ZFP37: variants seen among roughly 807,000 people sequenced by gnomAD.
The protein encoded by ZFP37 is zinc finger protein 37 homolog.
Under a neutral mutation model 52.1 loss-of-function variants are expected in ZFP37, and 38 were observed. That is an observed-to-expected ratio of 0.73 (90% CI 0.56 to 0.96). ZFP37 has a LOEUF of 0.96. Among genes scored for constraint, ZFP37 ranks in the 40% least tolerant of loss-of-function variants. The probability of loss-of-function intolerance (pLI) is 0.00; values close to 1 mark genes in which losing one functional copy is unlikely to be tolerated. For synonymous variants in ZFP37, 253 were observed against 259.5 expected (o/e 0.98, Z 0.24); for missense variants, 695 against 741.4 (o/e 0.94, Z 0.73).
At chr9:113,049,145 G>A (rs1229224444) in intron 3 of ZFP37, among the ~76,000 whole-genome samples, 1 of 152,154 alleles carries the variant, frequency 6.6e-6, no homozygotes, top group Non-Finnish European at 1.5e-5. Flanking sequence ...CTACTATAGC[G>A]AACCTCACAA....
At chr9:113,053,436 A>G (rs1376094038) in intron 1 of ZFP37, among the ~76,000 whole-genome samples, 1 of 152,186 alleles carries the variant, frequency 6.6e-6, no homozygotes, top group African/African-American at 2.4e-5. Flanking sequence ...AAACCTTGCA[A>G]CTGAACATTG....
At chr9:113,050,483 AAAAG>A (rs1442258181) in intron 1 of ZFP37, among the ~76,000 whole-genome samples, 2 of 151,876 alleles carry the variant, frequency 1.3e-5, no homozygotes, top group Non-Finnish European at 2.9e-5. Flanking sequence ...AAAAAAAAAA[AAAAG>A]AAAAAAGGAA....
Position 113,052,538 on chromosome 9 carries a change from G to A in ZFP37, c.133-2666C>T, listed in dbSNP as rs1004674540. Among the ~76,000 whole-genome samples, 2 of 152,110 alleles carry A rather than the reference G, an allele frequency of 1.3e-5. No homozygotes were observed. Among genetic ancestry groups the A allele is most frequent in the Non-Finnish European group, 2.9e-5 (2 of 68,022 alleles). On this transcript the variant is annotated intron_variant, in intron 1 of 3. Coordinates refer to ENST00000374227, the MANE Select transcript of ZFP37 (RefSeq NM_003408.3). This position sits in a 1 kb window ranked among gnomAD's most constrained non-coding sequence, Gnocchi z 4.1. ...TGAGGTAAAGTCCACAGGACACCAG[G>A]CACCAGCATCCATGAGTCCTCTCCC...
intron 3 of ZFP37, among the ~76,000 whole-genome samples, chr9:113,046,262 A>G (rs1324509122): frequency 1.3e-5 from 2 of 149,420 alleles, no homozygotes; most frequent in East Asian, 3.9e-4. Context: ...ATATCTATAT[A>G]TATACAGGCA....
chr9:113,039,894 A>C lies in ZFP37; in HGVS notation c.*2831T>G, dbSNP rs981134229. 1 of 152,238 alleles carries C rather than the reference A, an allele frequency of 6.6e-6. No homozygotes were observed. The highest frequency in any genetic ancestry group is 2.4e-5 in the African/African-American group (1 of 41,462). 9.4% of individuals were successfully genotyped at this position (152,238 alleles called of 1,614,324 possible). A position where few individuals can be genotyped will look rare whatever the true frequency, so the allele number is the denominator to read the frequency against. On this transcript the variant is annotated 3_prime_UTR_variant, in exon 4 of 4. Transcript: ENST00000374227. ...TAGTGGTTCTCAAAGGGTGGTCCCC[A>C]GACCAGCAGCACAGGAATCCACTGG...
At chr9:113,044,321 TG>T (rs1478760457) in intron 3 of ZFP37, 53 bp from the exon 4 acceptor site, 9 of 1,476,374 alleles carry the variant, frequency 6.1e-6, no homozygotes, top group Non-Finnish European at 5.4e-6. Context: ...TCTTATATTT[TG>T]GAATAAAACT....
In ZFP37 at chr9:113,043,281, GAGC is replaced by G; in HGVS notation, c.1334_1336del (p.Ser445_Ser446delinsThr). ...AATTCTCATGTGTTTAGTAAGGGAT[GAGC>G]TATACTTAAAGGCTTTTCCACATTC... is the stretch of plus-strand genomic sequence containing the variant. On this transcript the variant is annotated inframe_deletion, in exon 4 of 4. Coordinates refer to ENST00000374227, the MANE Select transcript of ZFP37 (RefSeq NM_003408.3). The G allele has an allele frequency of 6.2e-7, 1 of 1,613,922 alleles. No homozygotes were observed. Among genetic ancestry groups the G allele is most frequent in the Non-Finnish European group, 8.5e-7 (1 of 1,179,960 alleles).
chr9:113,043,169 A>G lies in ZFP37; in HGVS notation c.1449T>C (p.His483=). ...TACATTTATAAGGTTTCTCCTTAGT[A>G]TGAGTTCTTTGATGTATAATGAGGT... ...KSHLIIHQRT[H]TKEKPYKCNE... Residue 483 remains histidine (H), a synonymous_variant, in exon 4 of 4, where the codon CAT becomes CAC. Transcript: ENST00000374227. The G allele has an allele frequency of 6.2e-7, 1 of 1,613,850 alleles. No homozygotes were observed. Among genetic ancestry groups the G allele is most frequent in the Non-Finnish European group, 8.5e-7 (1 of 1,179,950 alleles).
chr9:113,041,461 T>C lies in ZFP37; in HGVS notation c.*1264A>G, dbSNP rs1828845193. 3 of 152,338 alleles carry C rather than the reference T, an allele frequency of 2.0e-5. 1 individual carries two copies. Among genetic ancestry groups the C allele is most frequent in the East Asian group, 3.9e-4 (2 of 5,188 alleles). 9.4% of individuals were successfully genotyped at this position (152,338 alleles called of 1,614,324 possible). A position where few individuals can be genotyped will look rare whatever the true frequency, so the allele number is the denominator to read the frequency against. On this transcript the variant is annotated 3_prime_UTR_variant, in exon 4 of 4. Transcript: ENST00000374227. ...TGACATTTGTTTCATTCGAATTCCC[T>C]GATTGAGGTGTTTGTGTGTTAGTTC... is the stretch of plus-strand genomic sequence containing the variant.
chr9:113,049,555 G>C (rs2274761), intron 2 of ZFP37, 59 bp from the exon 3 acceptor site: 741,778 of 1,566,912 alleles, frequency 0.47, 177,502 homozygotes, highest in African/African-American at 0.51. Context: ...AAATGAAGCC[G>C]CAGCATTTGT....
intron 3 of ZFP37, among the ~76,000 whole-genome samples, chr9:113,046,315 G>C (rs1828954662): frequency 6.6e-6 from 1 of 151,372 alleles, no homozygotes; most frequent in South Asian, 2.1e-4. Flanking sequence ...GAGAAGTGCA[G>C]TTGCTGGCTG....
At position 113,049,810 on chromosome 9, in the gene ZFP37, G is replaced by T; in HGVS notation, c.195C>A (p.Tyr65Ter). The change falls in exon 2 of 4, where the codon TAC becomes TAA. Residue 65 changes from tyrosine (Y) to a stop codon, truncating the protein, a stop_gained. Transcript: ENST00000374227. LOFTEE classifies it high-confidence loss of function. The stretch of plus-strand genomic sequence containing the variant: ...TCTTACCCATTGAGGCTTGGTTGCA[G>T]TAGTTCTCCAGCATCACATCATTAT... ...NLYNDVMLEN[Y>*]CNQASMGCQA... The T allele has an allele frequency of 6.8e-6, 11 of 1,613,998 alleles. No individual in the cohort carries two copies. Among genetic ancestry groups the T allele is most frequent in the Non-Finnish European group, 9.3e-6 (11 of 1,179,914 alleles).
In ZFP37 at chr9:113,047,988, G is replaced by T. The variant is rs139448844; in HGVS notation, c.349+1374C>A. Among the ~76,000 whole-genome samples the T allele has an allele frequency of 2.6e-5, 4 of 152,196 alleles. No individual in the cohort carries two copies. In the East Asian group the frequency reaches 7.7e-4, roughly 29 times the overall value. ...AATACAATTTTAAAGAAGAACAGAT[G>T]GTAGAAGACAAAACCTTAGGGACAC... On this transcript the variant is annotated intron_variant, in intron 3 of 3. Coordinates refer to ENST00000374227, the MANE Select transcript of ZFP37 (RefSeq NM_003408.3).
At chr9:113,049,187 G>A (rs1587913472) in intron 3 of ZFP37, among the ~76,000 whole-genome samples, 175 bp downstream of exon 3, 1 of 152,132 alleles carries the variant, frequency 6.6e-6, no homozygotes, top group South Asian at 2.1e-4. Context: ...TTCATAAAAG[G>A]AAGAGATATT....
Position 113,042,708 on chromosome 9 carries a change from A to C in ZFP37, c.*17T>G. On this transcript the variant is annotated 3_prime_UTR_variant, in exon 4 of 4. Coordinates refer to ENST00000374227, the MANE Select transcript of ZFP37 (RefSeq NM_003408.3). ...AACAAAACCTTAAATTTAGTTAACAAATTTCCCACATTAACTTCACTCATG... is the reference window on the plus strand; with the variant it reads ...AACAAAACCTTAAATTTAGTTAACACATTTCCCACATTAACTTCACTCATG... 6.5e-7 allele frequency: 1 copy of C among 1,528,014 alleles called. No individual in the cohort carries two copies. Among genetic ancestry groups the C allele is most frequent in the Non-Finnish European group, 8.8e-7 (1 of 1,141,728 alleles). The allele number at this position is 1,528,014 out of a possible 1,614,324, so 94.7% of individuals were successfully genotyped here.
intron 3 of ZFP37, among the ~76,000 whole-genome samples, chr9:113,046,755 C>A (rs1828964875): frequency 6.6e-6 from 1 of 152,128 alleles, no homozygotes; most frequent in African/African-American, 2.4e-5. Flanking sequence ...TCACTTGGCC[C>A]AGCAAATTAT....
rs139405503 is a variant in ZFP37, at chr9:113,049,435, C to T, written c.276G>A (p.Leu92=). ...SKLEKGEAPW[L]GKGKRPSQGC... is the part of the protein sequence containing the mutation. ...CTTGACTGGGTCTTTTCCCCTTCCC[C>T]AACCATGGTGCTTCTCCTTTTTCCA... Residue 92 remains leucine (L), a synonymous_variant, in exon 3 of 4, where the codon TTG becomes TTA. Coordinates refer to ENST00000374227, the MANE Select transcript of ZFP37 (RefSeq NM_003408.3). 24 of 1,613,952 alleles carry T rather than the reference C, an allele frequency of 1.5e-5. No individual in the cohort carries two copies. In the African/African-American group the frequency reaches 3.1e-4, roughly 21 times the overall value.
rs974051829 is a variant in ZFP37, at chr9:113,040,176, C to T, written c.*2549G>A. The stretch of plus-strand genomic sequence containing the variant: ...ACTTTTAATTCATTTTATTACTGCA[C>T]AAAGTGGCTTTCAGCATTCATTTAT... On this transcript the variant is annotated 3_prime_UTR_variant, in exon 4 of 4. Transcript: ENST00000374227. The T allele has an allele frequency of 6.6e-6, 1 of 152,196 alleles. No homozygotes were observed. Among genetic ancestry groups the T allele is most frequent in the Non-Finnish European group, 1.5e-5 (1 of 68,036 alleles). 9.4% of individuals were successfully genotyped at this position (152,196 alleles called of 1,614,324 possible).
intron 3 of ZFP37, among the ~76,000 whole-genome samples, chr9:113,045,403 A>G (rs894427352): frequency 1.3e-5 from 2 of 150,306 alleles, no homozygotes; most frequent in Non-Finnish European, 2.9e-5. Context: ...ACTTTACTCA[A>G]TCTGATTTGT....
Sources: allele counts gnomAD v4.1 joint callset (sites outside exome capture counted in the v4.1 genomes callset), GRCh38; gene constraint gnomAD v4.1.1; non-coding constraint Gnocchi (gnomAD v3.1); transcripts MANE v1.5; gene names NCBI Gene and HGNC (gene_info 2026-07-23, HGNC 2026-07-21).